CHLSN: variants seen among roughly 807,000 people sequenced by gnomAD.
CHLSN encodes cholesin.
the CHLSN span, chr7:1,092,082 C>T: frequency 6.2e-7 from 1 of 1,613,966 alleles, no homozygotes; most frequent in Non-Finnish European, 8.5e-7. Context: ...AGGTGTTCAA[C>T]CTGCACGAGC....
the CHLSN span, among the ~76,000 whole-genome samples, chr7:1,047,790 G>C: frequency 6.6e-6 from 1 of 152,050 alleles, no homozygotes; most frequent in East Asian, 1.9e-4. Flanking sequence ...ACAACTGTCC[G>C]GGGACAATAA....
the CHLSN span, among the ~76,000 whole-genome samples, chr7:1,050,222 C>T: frequency 2.0e-5 from 3 of 152,250 alleles, no homozygotes; most frequent in East Asian, 1.9e-4. Context: ...GGCAGTGACT[C>T]CTCAGGCACA....
the CHLSN span, among the ~76,000 whole-genome samples, chr7:1,054,076 C>T: frequency 6.4e-4 from 98 of 152,318 alleles, 1 homozygote; most frequent in African/African-American, 1.3e-3. Context: ...CAGCTCCTGA[C>T]AAAGGCGGGA....
chr7:1,062,673 G>A, the CHLSN span, among the ~76,000 whole-genome samples: 1 of 152,216 alleles, frequency 6.6e-6, no homozygotes, highest in Non-Finnish European at 1.5e-5. Flanking sequence ...ATGGAACTGA[G>A]GTGTTGGGGT....
chr7:1,068,630 C>G, the CHLSN span, among the ~76,000 whole-genome samples: 2 of 152,102 alleles, frequency 1.3e-5, no homozygotes, highest in African/African-American at 4.8e-5. Context: ...GCTTGTCGGC[C>G]TCCCCATCCC....
chr7:1,046,976 G>A, the CHLSN span, among the ~76,000 whole-genome samples: 1 of 152,204 alleles, frequency 6.6e-6, no homozygotes, highest in Non-Finnish European at 1.5e-5. Context: ...GAGGAGCCCC[G>A]GCAGGTGCCA....
the CHLSN span, among the ~76,000 whole-genome samples, chr7:1,031,384 AGTGGTCCGGGGGGGC>A: frequency 7.4e-6 from 1 of 135,164 alleles, no homozygotes; most frequent in Non-Finnish European, 1.5e-5. Flanking sequence ...GGGAGGGCAG[AGTGGTCCGGGGGGGC>A]AGAGACCTGC....
the CHLSN span, among the ~76,000 whole-genome samples, chr7:1,006,491 C>T: frequency 2.0e-5 from 3 of 146,442 alleles, no homozygotes; most frequent in African/African-American, 5.1e-5. Context: ...ACGACGGCCA[C>T]AGCGCAGGGA....
At chr7:1,110,098 C>CA in the CHLSN span, among the ~76,000 whole-genome samples, 1 of 152,082 alleles carries the variant, frequency 6.6e-6, no homozygotes, top group Non-Finnish European at 1.5e-5. Context: ...CAGAGGCGAG[C>CA]GGGTGCCCAC....
chr7:988,565 G>T, the CHLSN span: 4 of 1,598,946 alleles, frequency 2.5e-6, no homozygotes, highest in Non-Finnish European at 3.4e-6. Flanking sequence ...CTCCCCTGGG[G>T]AGGTCCCCAC....
At chr7:1,086,456 T>C in the CHLSN span, among the ~76,000 whole-genome samples, 1 of 152,268 alleles carries the variant, frequency 6.6e-6, no homozygotes, top group Non-Finnish European at 1.5e-5. Context: ...GTCAACTTTC[T>C]ACTGCTGGAA....
chr7:1,028,223 C>A, the CHLSN span: 2 of 1,076,128 alleles, frequency 1.9e-6, no homozygotes, highest in East Asian at 2.1e-4. Context: ...CCCCTCCCTG[C>A]AGCCCGAATG....
chr7:1,022,090 AC>A, the CHLSN span, among the ~76,000 whole-genome samples: 1 of 152,330 alleles, frequency 6.6e-6, no homozygotes, highest in East Asian at 1.9e-4. Context: ...GGACAGGGCA[AC>A]CAACCCTGAG....
chr7:1,000,017 C>T, the CHLSN span, among the ~76,000 whole-genome samples: 12 of 152,364 alleles, frequency 7.9e-5, no homozygotes, highest in African/African-American at 2.4e-4. Flanking sequence ...CATGCACACA[C>T]GCACGTGTAG....
chr7:984,608 G>C, the CHLSN span: 3 of 1,541,344 alleles, frequency 1.9e-6, no homozygotes, highest in Non-Finnish European at 2.6e-6. Context: ...GGGCCTACTG[G>C]GTGTGGGGGC....
At chr7:1,051,321 C>A in the CHLSN span, among the ~76,000 whole-genome samples, 1 of 152,272 alleles carries the variant, frequency 6.6e-6, no homozygotes, top group African/African-American at 2.4e-5. Flanking sequence ...AGCTCTGCCC[C>A]CTTTCTGCTT....
the CHLSN span, chr7:987,142 C>A: frequency 6.4e-7 from 1 of 1,573,384 alleles, no homozygotes; most frequent in Non-Finnish European, 8.6e-7. Flanking sequence ...CTGAGGCCAA[C>A]GCGGTGGCCT....
the CHLSN span, chr7:1,137,527 C>T: frequency 6.6e-6 from 1 of 152,212 alleles, no homozygotes; most frequent in Non-Finnish European, 1.5e-5. Context: ...AGGCCAAGCG[C>T]GTTGGCTCAC....
the CHLSN span, among the ~76,000 whole-genome samples, chr7:1,001,010 C>G: frequency 6.6e-6 from 1 of 152,202 alleles, no homozygotes; most frequent in African/African-American, 2.4e-5. Context: ...TGGGGACGAG[C>G]AGCTCCCGGC....
Sources: gnomAD v4.1 joint callset for allele counts (sites outside exome capture counted in the v4.1 genomes callset) on GRCh38, gnomAD v4.1.1 for gene constraint, MANE v1.5 for transcripts, NCBI Gene and HGNC (gene_info 2026-07-23, HGNC 2026-07-21) for gene names.